Variants in ANXA7 observed in about 807,000 individuals in gnomAD.
The protein encoded by ANXA7 is annexin VII.
Under a neutral mutation model 64.9 loss-of-function variants are expected in ANXA7, and 55 were observed. That is an observed-to-expected ratio of 0.85 (90% CI 0.68 to 1.06). ANXA7 has a LOEUF of 1.06. Ranked by LOEUF, ANXA7 falls within the 50% of genes least tolerant of loss-of-function variation. The pLI is 0.00. For missense variants in ANXA7, 548 were observed against 582.1 expected (o/e 0.94, Z 0.60); for synonymous variants, 200 against 192.4 (o/e 1.04, Z -0.33).
intron 2 of ANXA7, among the ~76,000 whole-genome samples, chr10:73,400,226 C>G (rs1054519693): frequency 5.9e-5 from 9 of 152,080 alleles, no homozygotes; most frequent in Non-Finnish European, 1.3e-4. Context: ...AGTAGTATAG[C>G]TATCAACAAG....
At chr10:73,376,746 C>T (rs1248606103) in intron 12 of ANXA7, among the ~76,000 whole-genome samples, 2 of 151,712 alleles carry the variant, frequency 1.3e-5, no homozygotes, top group Admixed American at 6.6e-5. Flanking sequence ...ATTATTCAGG[C>T]AGAAACAAAC....
chr10:73,379,739 A>G, intron 11 of ANXA7, 140 bp downstream of exon 11: 1 of 849,344 alleles, frequency 1.2e-6, no homozygotes, highest in Non-Finnish European at 1.9e-6. Flanking sequence ...AAACAACAAA[A>G]AACAAACCCC....
chr10:73,405,144 G>A (rs1264898631), intron 1 of ANXA7, among the ~76,000 whole-genome samples: 1 of 151,862 alleles, frequency 6.6e-6, no homozygotes. Context: ...TTGGAAGGCT[G>A]AGGCAGGAGA....
chr10:73,393,027 C>T (rs1470132881), intron 5 of ANXA7, among the ~76,000 whole-genome samples: 3 of 152,092 alleles, frequency 2.0e-5, no homozygotes, highest in Non-Finnish European at 4.4e-5. Flanking sequence ...AATCAATGTG[C>T]AAAAATCACA....
intron 5 of ANXA7, chr10:73,396,213 G>T: frequency 1.3e-6 from 1 of 750,700 alleles, no homozygotes. Context: ...AAATTCATAG[G>T]TGTAACTGCT....
chr10:73,411,578 C>T (rs978844507), intron 1 of ANXA7, among the ~76,000 whole-genome samples: 1 of 151,984 alleles, frequency 6.6e-6, no homozygotes, highest in African/African-American at 2.4e-5. Flanking sequence ...GTAGCTGGGA[C>T]GTGCCACCGC....
At chr10:73,392,797 A>G (rs2055507304) in intron 5 of ANXA7, among the ~76,000 whole-genome samples, 1 of 152,206 alleles carries the variant, frequency 6.6e-6, no homozygotes, top group South Asian at 2.1e-4. Flanking sequence ...GGCACAAGAC[A>G]GGGATGCCCT....
At position 73,376,192 on chromosome 10, in the gene ANXA7, ATC is replaced by A. The variant is rs768308826; in HGVS notation, c.1302_1303del (p.Gln434HisfsTer17). Reference sequence around the variant, plus strand: ...AGTCTTCTGATACATCTGAGCGAACATCTGTTTTATTTGTACAAGGTCAATCT... The same window carrying A: ...AGTCTTCTGATACATCTGAGCGAACATGTTTTATTTGTACAAGGTCAATCT... On this transcript the variant is annotated frameshift_variant, in exon 13 of 13. Transcript: ENST00000372921. LOFTEE classifies it high-confidence loss of function. 4 of 1,595,342 alleles carry A rather than the reference ATC, an allele frequency of 2.5e-6. No individual in the cohort carries two copies. In the Admixed American group the frequency reaches 5.2e-5, roughly 21 times the overall value.
intron 2 of ANXA7, among the ~76,000 whole-genome samples, chr10:73,398,875 G>A (rs937347887): frequency 2.6e-5 from 4 of 152,138 alleles, no homozygotes; most frequent in Admixed American, 2.0e-4. Flanking sequence ...ATGGTTCAGA[G>A]CAGCAATATG....
At chr10:73,407,632 A>G (rs1455124659) in intron 1 of ANXA7, among the ~76,000 whole-genome samples, 1 of 152,234 alleles carries the variant, frequency 6.6e-6, no homozygotes, top group Non-Finnish European at 1.5e-5. Context: ...TTTCTTTTAT[A>G]TCAGATGCCA....
intron 5 of ANXA7, among the ~76,000 whole-genome samples, chr10:73,392,057 G>T (rs372256465): frequency 6.6e-6 from 1 of 152,172 alleles, no homozygotes; most frequent in Non-Finnish European, 1.5e-5. Context: ...TACCATCAGA[G>T]AATAGGATGA....
At chr10:73,395,081 T>C (rs919818719) in intron 5 of ANXA7, among the ~76,000 whole-genome samples, 1 of 152,216 alleles carries the variant, frequency 6.6e-6, no homozygotes, top group African/African-American at 2.4e-5. Context: ...ACTTACTACA[T>C]GCTTGGGAGG....
At chr10:73,413,303 T>TTAGC (rs2055872889) in intron 1 of ANXA7, among the ~76,000 whole-genome samples, 1 of 152,206 alleles carries the variant, frequency 6.6e-6, no homozygotes. Flanking sequence ...ATTTAGCAGA[T>TTAGC]TAGCTGGCCA....
intron 3 of ANXA7, among the ~76,000 whole-genome samples, chr10:73,397,566 T>C (rs917568799): frequency 6.6e-6 from 1 of 152,226 alleles, no homozygotes. Context: ...CAAGTGATTT[T>C]CCTGCCTCAG....
chr10:73,395,021 ATAATATGATTG>A (rs2055547791), intron 5 of ANXA7, among the ~76,000 whole-genome samples: 1 of 152,262 alleles, frequency 6.6e-6, no homozygotes, highest in South Asian at 2.1e-4. Context: ...TTACAGGTTT[ATAATATGATTG>A]GCAAACAACT....
intron 7 of ANXA7, among the ~76,000 whole-genome samples, chr10:73,384,895 G>A (rs937007406): frequency 6.6e-6 from 1 of 152,046 alleles, no homozygotes; most frequent in Admixed American, 6.6e-5. Flanking sequence ...GGTATTTCAG[G>A]TAAGAAGGAA....
chr10:73,404,271 C>G (rs1047887983), intron 1 of ANXA7, among the ~76,000 whole-genome samples: 5 of 152,138 alleles, frequency 3.3e-5, no homozygotes, highest in Admixed American at 6.6e-5. Flanking sequence ...GTCTTCTGAT[C>G]AGCAAACATA....
intron 7 of ANXA7, among the ~76,000 whole-genome samples, chr10:73,384,970 TAAA>T (rs763424920): frequency 6.8e-6 from 1 of 146,044 alleles, no homozygotes; most frequent in Non-Finnish European, 1.5e-5. Flanking sequence ...TGTGGAGCTT[TAAA>T]AAAAAAAAGA....
At chr10:73,394,922 TAA>T (rs1044615162) in intron 5 of ANXA7, among the ~76,000 whole-genome samples, 7 of 152,260 alleles carry the variant, frequency 4.6e-5, no homozygotes, top group African/African-American at 1.7e-4. Flanking sequence ...GTTTCATGTT[TAA>T]AAGTCATTCA....
Sources: allele counts gnomAD v4.1 joint callset (sites outside exome capture counted in the v4.1 genomes callset), GRCh38; gene constraint gnomAD v4.1.1; transcripts MANE v1.5; gene names NCBI Gene and HGNC (gene_info 2026-07-23, HGNC 2026-07-21).